The following CACNA1B variants were observed in gnomAD, a reference collection of about 807,000 sequenced individuals.
CACNA1B encodes the protein voltage-dependent N-type calcium channel subunit alpha-1B.
CACNA1B carries 70 observed loss-of-function variants against 247.2 expected under a neutral mutation model. The ratio of observed to expected loss-of-function variants is 0.28; its 90% CI spans 0.23 to 0.35. The LOEUF (loss-of-function observed/expected upper bound fraction) is 0.35, where lower values mean the gene tolerates loss of function less well. Among genes scored for constraint, CACNA1B ranks in the 10% least tolerant of loss-of-function variants. CACNA1B has a pLI of 1.00. For synonymous variants in CACNA1B, 1,231 were observed against 1,294.4 expected (o/e 0.95, Z 1.05); for missense variants, 2,367 against 3,197.4 (o/e 0.74, Z 6.26).
intron 20 of CACNA1B, among the ~76,000 whole-genome samples, chr9:138,043,324 A>C (rs1240602791): frequency 6.6e-6 from 1 of 152,198 alleles, no homozygotes; most frequent in Non-Finnish European, 1.5e-5. Flanking sequence ...AGAAAATCCC[A>C]GGTCAAGGGA....
At chr9:137,993,982 T>A (rs1958466098) in intron 15 of CACNA1B, among the ~76,000 whole-genome samples, 1 of 151,912 alleles carries the variant, frequency 6.6e-6, no homozygotes, top group South Asian at 2.1e-4. Flanking sequence ...AACAGCAAAT[T>A]AAAAAGATAA....
At chr9:138,006,906 G>C in intron 16 of CACNA1B, 22 bp downstream of exon 16, 5 of 1,319,086 alleles carry the variant, frequency 3.8e-6, no homozygotes, top group Non-Finnish European at 5.5e-6. Context: ...TGGGGCTGGG[G>C]CAGAGGGTGG....
At chr9:137,884,946 CTCTCCCCTCTT>C in intron 3 of CACNA1B, among the ~76,000 whole-genome samples, 1 of 116,042 alleles carries the variant, frequency 8.6e-6, no homozygotes. Context: ...CCTCTCCCTC[CTCTCCCCTCTT>C]CCCCCCCCCC....
At chr9:137,948,308 T>C (rs1957822196) in intron 6 of CACNA1B, among the ~76,000 whole-genome samples, 1 of 152,224 alleles carries the variant, frequency 6.6e-6, no homozygotes, top group Non-Finnish European at 1.5e-5. Context: ...GTCAGCTTTG[T>C]CCTTTTTCAC....
intron 20 of CACNA1B, chr9:138,040,657 A>G (rs1959107711): frequency 6.4e-6 from 2 of 312,912 alleles, no homozygotes; most frequent in African/African-American, 2.2e-5. Flanking sequence ...CACGGGAGAA[A>G]GATATAGGCT....
At chr9:138,061,918 A>G (rs1156774941) in intron 31 of CACNA1B, among the ~76,000 whole-genome samples, 1 of 152,188 alleles carries the variant, frequency 6.6e-6, no homozygotes, top group East Asian at 1.9e-4. Flanking sequence ...CATGCTGCTG[A>G]GAGGCTCTTG....
At chr9:137,963,495 A>T (rs1405577935) in intron 10 of CACNA1B, among the ~76,000 whole-genome samples, 1 of 152,178 alleles carries the variant, frequency 6.6e-6, no homozygotes, top group African/African-American at 2.4e-5. Flanking sequence ...CCCAAGTTCA[A>T]GTGATTCTCC....
In CACNA1B at chr9:138,069,867, C is replaced by T. The variant is rs559265891; in HGVS notation, c.4674+104C>T. On this transcript the variant is annotated intron_variant, in intron 32 of 46. Transcript: ENST00000371372. ...GGACTCCAGCCCACTGCCCTCTAGG[C>T]GTGTGGTTGGATGCGGCTGCATCCA... is the stretch of plus-strand genomic sequence containing the variant. The T allele has an allele frequency of 3.9e-5, 40 of 1,019,410 alleles. No homozygotes were observed. The East Asian group carries it at 5.4e-4, about 14-fold the overall frequency. The allele number at this position is 1,019,410 out of a possible 1,614,324, so 63.1% of individuals were successfully genotyped here.
intron 6 of CACNA1B, among the ~76,000 whole-genome samples, chr9:137,923,280 G>C (rs1231172440): frequency 6.7e-6 from 1 of 148,160 alleles, no homozygotes; most frequent in Non-Finnish European, 1.5e-5. Flanking sequence ...GTATTCCATG[G>C]TGCCAGGTGG....
At chr9:138,044,656 G>A (rs1959168960) in intron 21 of CACNA1B, among the ~76,000 whole-genome samples, 1 of 152,216 alleles carries the variant, frequency 6.6e-6, no homozygotes. Context: ...GACAGGGGTG[G>A]AACCACACAA....
chr9:137,981,097 C>T (rs910614590), intron 12 of CACNA1B, among the ~76,000 whole-genome samples: 1 of 152,194 alleles, frequency 6.6e-6, no homozygotes, highest in African/African-American at 2.4e-5. Flanking sequence ...AGTGACTGGA[C>T]TAATTTACAT....
At chr9:137,947,700 T>A (rs2133328889) in intron 6 of CACNA1B, among the ~76,000 whole-genome samples, 1 of 152,256 alleles carries the variant, frequency 6.6e-6, no homozygotes, top group East Asian at 1.9e-4. Flanking sequence ...AGGATATTCT[T>A]GGTGGGTATA....
intron 6 of CACNA1B, among the ~76,000 whole-genome samples, chr9:137,933,079 C>A (rs998467334): frequency 6.6e-6 from 1 of 152,098 alleles, no homozygotes; most frequent in South Asian, 2.1e-4. Flanking sequence ...ACTACAGGCG[C>A]GTGCCACCAC....
chr9:137,993,249 G>T (rs916233961), intron 15 of CACNA1B, among the ~76,000 whole-genome samples: 7 of 151,648 alleles, frequency 4.6e-5, no homozygotes, highest in African/African-American at 7.3e-5. Context: ...CAAAAAGCTG[G>T]TTCTTTTTAG....
intron 18 of CACNA1B, 111 bp downstream of exon 18, chr9:138,013,346 C>T: frequency 2.8e-6 from 2 of 723,846 alleles, no homozygotes; most frequent in Non-Finnish European, 4.5e-6. Context: ...GGGCCTCTGG[C>T]CTTGGCGGGT....
chr9:138,092,139 C>T lies in CACNA1B; in HGVS notation c.5095-4345C>T, dbSNP rs1960900575. 2.6e-5 allele frequency among the ~76,000 whole-genome samples: 4 copies of T among 152,194 alleles called. No individual in the cohort carries two copies. In the South Asian group the frequency reaches 6.2e-4, roughly 24 times the overall value. ...GAATTACTGATGAGGTTCCATGTCC[C>T]ACTAGGCACTCATTGTCTTGATAAA... On this transcript the variant is annotated intron_variant, in intron 36 of 46. Coordinates refer to ENST00000371372, the MANE Select transcript of CACNA1B (RefSeq NM_000718.4).
chr9:137,895,875 G>A (rs1210898666), intron 3 of CACNA1B, among the ~76,000 whole-genome samples: 1 of 152,120 alleles, frequency 6.6e-6, no homozygotes, highest in Non-Finnish European at 1.5e-5. Flanking sequence ...TTGAAGAGTG[G>A]TGTGGCGAGA....
chr9:137,894,762 T>C (rs1957154553), intron 3 of CACNA1B, among the ~76,000 whole-genome samples: 1 of 152,126 alleles, frequency 6.6e-6, no homozygotes, highest in South Asian at 2.1e-4. Context: ...ATATTCCAGT[T>C]GGATTGTTTG....
At chr9:138,030,905 T>G (rs553742325) in intron 20 of CACNA1B, among the ~76,000 whole-genome samples, 6 of 152,164 alleles carry the variant, frequency 3.9e-5, no homozygotes, top group Non-Finnish European at 8.8e-5. Flanking sequence ...GTGTCTCATT[T>G]CTTATATTGG....
Sources: gnomAD v4.1 joint callset for allele counts (sites outside exome capture counted in the v4.1 genomes callset) on GRCh38, gnomAD v4.1.1 for gene constraint, MANE v1.5 for transcripts, NCBI Gene and HGNC (gene_info 2026-07-23, HGNC 2026-07-21) for gene names.